The following CLTC variants were observed in gnomAD, a reference collection of about 807,000 sequenced individuals.
CLTC encodes the protein clathrin heavy chain, also known as clathrin heavy chain 1.
CLTC carries 16 observed loss-of-function variants against 195.8 expected under a neutral mutation model. That is an observed-to-expected ratio of 0.08 (90% CI 0.06 to 0.12). CLTC has a LOEUF of 0.12. Among genes scored for constraint, CLTC ranks in the 10% least tolerant of loss-of-function variants. CLTC has a pLI of 1.00. For synonymous variants in CLTC, 667 were observed against 689.4 expected, an observed-to-expected ratio of 0.97 and a Z score of 0.51; for missense variants, 796 against 2,027.0, an observed-to-expected ratio of 0.39 and a Z score of 11.66.
intron 5 of CLTC, among the ~76,000 whole-genome samples, chr17:59,655,531 G>C (rs2032444824): frequency 6.6e-6 from 1 of 151,584 alleles, no homozygotes; most frequent in Non-Finnish European, 1.5e-5. Flanking sequence ...CTCGATGCAG[G>C]GTTGCCATAA....
chr17:59,620,196 G>A, intron 1 of CLTC, 23 bp downstream of exon 1: 1 of 1,613,700 alleles, frequency 6.2e-7, no homozygotes. Flanking sequence ...CCGGGCTGGT[G>A]AGGGCTGTGG....
rs140750194 is a variant in CLTC, at chr17:59,696,039, C to A, written c.*2187C>A. 2.9e-4 allele frequency: 61 copies of A among 209,332 alleles called. No individual in the cohort carries two copies. Among genetic ancestry groups the A allele is most frequent in the African/African-American group, 1.3e-3 (59 of 44,090 alleles). The allele number at this position is 209,332 out of a possible 1,614,324, so 13.0% of individuals were successfully genotyped here. A position where few individuals can be genotyped will look rare whatever the true frequency, so the allele number is the denominator to read the frequency against. ...ATATGCCATGACAGTTACTTAGCCACCCCATGCCATCCTGTTGGGAATGCC... is the reference window on the plus strand; with the variant it reads ...ATATGCCATGACAGTTACTTAGCCAACCCATGCCATCCTGTTGGGAATGCC... On this transcript the variant is annotated 3_prime_UTR_variant, in exon 32 of 32. Coordinates refer to ENST00000269122, the MANE Select transcript of CLTC (RefSeq NM_004859.4).
intron 16 of CLTC, among the ~76,000 whole-genome samples, chr17:59,675,704 CTG>C (rs2032950794): frequency 2.0e-5 from 3 of 152,118 alleles, no homozygotes; most frequent in Admixed American, 2.0e-4. Flanking sequence ...TCAGTTGAGT[CTG>C]AACCTATTGA....
intron 1 of CLTC, among the ~76,000 whole-genome samples, chr17:59,641,475 C>G (rs73331160): frequency 0.044 from 6,622 of 151,628 alleles, 395 homozygotes; most frequent in African/African-American, 0.14. Flanking sequence ...TTGGCGCACT[C>G]CTGTAGTCCC....
intron 15 of CLTC, 56 bp downstream of exon 15, chr17:59,673,828 A>G: frequency 2.2e-6 from 2 of 892,624 alleles, no homozygotes; most frequent in Admixed American, 2.2e-5. Flanking sequence ...TTTATTTCTC[A>G]TATTCTGGAA....
chr17:59,663,735 A>G (rs2032662683), intron 8 of CLTC, 107 bp from the exon 9 acceptor site: 1 of 900,750 alleles, frequency 1.1e-6, no homozygotes, highest in East Asian at 2.6e-5. Context: ...ATTCTGTGAA[A>G]CTAAGTACCT....
chr17:59,676,586 C>T (rs7359669), intron 16 of CLTC, among the ~76,000 whole-genome samples: 1 of 152,112 alleles, frequency 6.6e-6, no homozygotes, highest in Non-Finnish European at 1.5e-5. Flanking sequence ...GAAAAATAGC[C>T]TTATATACCT....
chr17:59,685,805 A>G lies in CLTC; in HGVS notation c.4824A>G (p.Thr1608=). The change falls in exon 30 of 32, where the codon ACA becomes ACG. Residue 1608 remains threonine, a synonymous_variant. Transcript: ENST00000269122. The surrounding 1 kb of genome is among the most constrained non-coding windows in gnomAD (Gnocchi z 5.0). ...TCCAGGTCATGAAGGAGTACTTGACAAAGGTAATGACTCTTCTAAGTGTAT... is the reference window on the plus strand; with the variant it reads ...TCCAGGTCATGAAGGAGTACTTGACGAAGGTAATGACTCTTCTAAGTGTAT... ...YFIQVMKEYL[T]KVDKLDASES... is the part of the protein sequence containing the mutation. 6.2e-7 allele frequency: 1 copy of G among 1,610,844 alleles called. No individual in the cohort carries two copies. The highest frequency in any genetic ancestry group is 8.5e-7 in the Non-Finnish European group (1 of 1,177,254).
chr17:59,679,788 G>A (rs915893984), intron 18 of CLTC, among the ~76,000 whole-genome samples: 4 of 151,842 alleles, frequency 2.6e-5, no homozygotes, highest in Non-Finnish European at 4.4e-5. Context: ...AGAAAAATAA[G>A]CCATGTGCGG....
chr17:59,643,711 T>C (rs2032109698), intron 1 of CLTC, among the ~76,000 whole-genome samples: 1 of 152,214 alleles, frequency 6.6e-6, no homozygotes, highest in African/African-American at 2.4e-5. Flanking sequence ...GCCTGCCTCC[T>C]TTGAACACAT....
chr17:59,673,602 T>A (rs764404865), intron 14 of CLTC, 45 bp from the exon 15 acceptor site: 2 of 1,493,884 alleles, frequency 1.3e-6, no homozygotes, highest in South Asian at 2.3e-5. Context: ...ATTTGATACC[T>A]CATAGAAGAA....
intron 1 of CLTC, among the ~76,000 whole-genome samples, chr17:59,636,932 CTTTTTTTTTT>C (rs771908096): frequency 7.7e-5 from 8 of 103,666 alleles, no homozygotes; most frequent in South Asian, 3.5e-4. Flanking sequence ...CCGGCTAATT[CTTTTTTTTTT>C]TTTTTTTTTT....
At chr17:59,653,939 A>ATT (rs1473176091) in intron 5 of CLTC, among the ~76,000 whole-genome samples, 1 of 150,352 alleles carries the variant, frequency 6.7e-6, no homozygotes, top group African/African-American at 2.4e-5. Flanking sequence ...CACCTGGCTA[A>ATT]TTTTTGTATT....
chr17:59,651,851 C>A (rs879374118), intron 5 of CLTC, among the ~76,000 whole-genome samples: 3 of 152,182 alleles, frequency 2.0e-5, no homozygotes, highest in Admixed American at 2.0e-4. Flanking sequence ...AAGTTTGCTG[C>A]ATCAATTGAC....
intron 10 of CLTC, among the ~76,000 whole-genome samples, chr17:59,665,507 C>T (rs745485990): frequency 1.1e-4 from 17 of 152,100 alleles, no homozygotes; most frequent in Non-Finnish European, 1.9e-4. Flanking sequence ...CAGAGTCCTT[C>T]ATATTTATGC....
At chr17:59,692,645 T>A (rs1172098518) in intron 31 of CLTC, among the ~76,000 whole-genome samples, 1 of 152,178 alleles carries the variant, frequency 6.6e-6, no homozygotes, top group Non-Finnish European at 1.5e-5. Context: ...ATATGTCTTT[T>A]TTTTTCCCCC....
chr17:59,686,860 A>G (rs1457025305), intron 30 of CLTC: 4 of 295,954 alleles, frequency 1.4e-5, no homozygotes, highest in Non-Finnish European at 2.0e-5. Context: ...TGCTTCCAGT[A>G]TGCCCTTTAT....
chr17:59,689,504 C>G (rs1191927575), intron 30 of CLTC: 1 of 151,814 alleles, frequency 6.6e-6, no homozygotes, highest in Non-Finnish European at 1.5e-5. Context: ...TCCCCCTGCA[C>G]CTTGGCCCCC....
intron 1 of CLTC, among the ~76,000 whole-genome samples, chr17:59,634,736 T>G (rs1256684361): frequency 6.6e-6 from 1 of 152,226 alleles, no homozygotes; most frequent in Non-Finnish European, 1.5e-5. Flanking sequence ...ATTTGTTGCT[T>G]GAAATCTGTG....
Sources: gnomAD v4.1 joint callset for allele counts (sites outside exome capture counted in the v4.1 genomes callset) on GRCh38, gnomAD v4.1.1 for gene constraint, Gnocchi (gnomAD v3.1) non-coding constraint, MANE v1.5 for transcripts, NCBI Gene and HGNC (gene_info 2026-07-23, HGNC 2026-07-21) for gene names.